Variants in VPS35L observed in about 807,000 individuals in gnomAD.
VPS35L encodes VPS35 endosomal protein sorting factor like.
Under a neutral mutation model 133.0 loss-of-function variants are expected in VPS35L, and 83 were observed. That is an observed-to-expected ratio of 0.62 (90% confidence interval 0.52 to 0.75). VPS35L has a LOEUF of 0.75. Among genes scored for constraint, VPS35L ranks in the 30% least tolerant of loss-of-function variants. The pLI is 0.00. For missense variants in VPS35L, 1,083 were observed against 1,206.8 expected (o/e 0.90, Z 1.52); for synonymous variants, 423 against 449.9 (o/e 0.94, Z 0.76).
intron 9 of VPS35L, 114 bp from the exon 10 acceptor site, chr16:19,608,064 A>C: frequency 1.4e-6 from 1 of 732,210 alleles, no homozygotes; most frequent in Non-Finnish European, 2.4e-6. Flanking sequence ...TTGGAAGGAA[A>C]GAAACAGGCT....
intron 14 of VPS35L, among the ~76,000 whole-genome samples, chr16:19,624,790 C>T (rs1368503242): frequency 1.3e-5 from 2 of 152,130 alleles, no homozygotes; most frequent in African/African-American, 4.8e-5. Flanking sequence ...TGTCTTAACC[C>T]TGTCTGAGCT....
intron 7 of VPS35L, 38 bp from the exon 8 acceptor site, chr16:19,591,752 T>A: frequency 6.7e-7 from 1 of 1,483,266 alleles, no homozygotes; most frequent in Non-Finnish European, 9.4e-7. Flanking sequence ...ATACCAGACA[T>A]GCCAGAGTGA....
At chr16:19,578,721 T>C in intron 5 of VPS35L, 1 of 345,224 alleles carries the variant, frequency 2.9e-6, no homozygotes, top group Admixed American at 4.3e-5. Context: ...AGAAAACAAT[T>C]AGATGACGGA....
At chr16:19,691,661 A>G (rs1324987063) in intron 29 of VPS35L, among the ~76,000 whole-genome samples, 190 bp downstream of exon 29, 2 of 152,062 alleles carry the variant, frequency 1.3e-5, no homozygotes, top group Non-Finnish European at 2.9e-5. Flanking sequence ...CGCCTCCCCC[A>G]GGGCTTCCCC....
chr16:19,684,747 G>A (rs1975398695), intron 28 of VPS35L, among the ~76,000 whole-genome samples: 1 of 152,196 alleles, frequency 6.6e-6, no homozygotes, highest in Non-Finnish European at 1.5e-5. Context: ...GCATTACACT[G>A]CTTTGTTGAT....
chr16:19,590,899 A>G (rs1447224896), intron 7 of VPS35L, among the ~76,000 whole-genome samples: 2 of 152,062 alleles, frequency 1.3e-5, no homozygotes, highest in Non-Finnish European at 2.9e-5. Context: ...TTGCTGCAGT[A>G]AGCTATGATT....
chr16:19,699,552 G>C lies in VPS35L; in HGVS notation c.2697G>C (p.Leu899Phe). The change falls in exon 30 of 31, where the codon TTG becomes TTC. Residue 899 changes from leucine (L) to phenylalanine (F), a missense_variant. Physicochemically the swap from Leu to Phe is conservative, Grantham distance 22. Transcript: ENST00000417362. The surrounding 1 kb of genome is among the most constrained non-coding windows in gnomAD (Gnocchi z 4.2). Reference sequence around the variant, plus strand: ...GCCTTTCCTTCTTTAACAGCATCTTGGCCCATGGGGACCTACGCAACAACA... The same window carrying C: ...GCCTTTCCTTCTTTAACAGCATCTTCGCCCATGGGGACCTACGCAACAACA... Reference protein sequence around the residue: ...SLGLSFFNSILAHGDLRNNKL... With the variant: ...SLGLSFFNSIFAHGDLRNNKL... 1 of 1,614,120 alleles carries C rather than the reference G, an allele frequency of 6.2e-7. No individual in the cohort carries two copies. The highest frequency in any genetic ancestry group is 8.5e-7 in the Non-Finnish European group (1 of 1,180,034).
intron 8 of VPS35L, among the ~76,000 whole-genome samples, chr16:19,592,248 T>C (rs1972068253): frequency 6.6e-6 from 1 of 151,222 alleles, no homozygotes; most frequent in Non-Finnish European, 1.5e-5. Context: ...CTAAGTTTTT[T>C]TTTTTTTTTT....
chr16:19,565,001 A>AAAGAC (rs763694394), intron 2 of VPS35L, 51 bp downstream of exon 2: 44 of 1,382,088 alleles, frequency 3.2e-5, no homozygotes, highest in Non-Finnish European at 4.4e-5. Context: ...CCTTGAAATG[A>AAAGAC]AAGACAATCT....
chr16:19,592,194 C>A (rs1308962737), intron 8 of VPS35L, among the ~76,000 whole-genome samples: 1 of 151,724 alleles, frequency 6.6e-6, no homozygotes, highest in Non-Finnish European at 1.5e-5. Flanking sequence ...CCTGCCTCAG[C>A]CTCCTGAGTA....
chr16:19,601,431 A>G (rs1034389121), intron 8 of VPS35L, among the ~76,000 whole-genome samples: 16 of 152,166 alleles, frequency 1.1e-4, no homozygotes, highest in Admixed American at 1.0e-3. Context: ...TAGATTCCAA[A>G]GGGTAAAACG....
chr16:19,699,606 G>A lies in VPS35L; in HGVS notation c.2751G>A (p.Trp917Ter). 1 of 1,614,078 alleles carries A rather than the reference G, an allele frequency of 6.2e-7. No homozygotes were observed. Among genetic ancestry groups the A allele is most frequent in the East Asian group, 2.2e-5 (1 of 44,878 alleles). Reference protein sequence around the residue: ...NKLNQLSVNLWHLAQRHGCAD... With the variant: ...NKLNQLSVNL ...TCAACCAGCTCTCCGTCAACCTGTG[G>A]CACCTGGCACAGAGGCACGGCTGTG... Residue 917 changes from tryptophan (W) to a stop codon, truncating the protein, a stop_gained, in exon 30 of 31, where the codon TGG becomes TGA. Coordinates refer to ENST00000417362, the MANE Select transcript of VPS35L (RefSeq NM_020314.7). LOFTEE classifies it high-confidence loss of function. This position sits in a 1 kb window ranked among gnomAD's most constrained non-coding sequence, Gnocchi z 4.2.
At chr16:19,597,216 A>G (rs543362822) in intron 8 of VPS35L, among the ~76,000 whole-genome samples, 3 of 151,978 alleles carry the variant, frequency 2.0e-5, no homozygotes, top group Admixed American at 2.0e-4. Context: ...AAAACATTTA[A>G]AAAAAATAGC....
chr16:19,565,278 ACTC>A (rs1228666089), intron 2 of VPS35L, among the ~76,000 whole-genome samples: 1 of 150,472 alleles, frequency 6.6e-6, no homozygotes, highest in African/African-American at 2.5e-5. Context: ...CTGGTCTTGA[ACTC>A]CTGAGCTCAG....
chr16:19,609,557 T>C (rs757305299), intron 11 of VPS35L, among the ~76,000 whole-genome samples: 3 of 152,186 alleles, frequency 2.0e-5, no homozygotes, highest in Non-Finnish European at 2.9e-5. Flanking sequence ...TTTATCACAA[T>C]GTTTTGAGAG....
intron 8 of VPS35L, among the ~76,000 whole-genome samples, chr16:19,592,573 G>T (rs1394312321): frequency 6.6e-6 from 1 of 151,982 alleles, no homozygotes. Flanking sequence ...CCAGTTGCCT[G>T]AGCTGGGAAT....
chr16:19,646,438 G>T (rs1431092989), intron 23 of VPS35L, among the ~76,000 whole-genome samples: 1 of 152,164 alleles, frequency 6.6e-6, no homozygotes, highest in Admixed American at 6.5e-5. Context: ...GGAGGCTGAG[G>T]CAGGTGGATC....
chr16:19,622,555 C>G (rs1165951491), intron 14 of VPS35L, among the ~76,000 whole-genome samples: 1 of 152,018 alleles, frequency 6.6e-6, no homozygotes, highest in East Asian at 1.9e-4. Context: ...TATTTTCGTT[C>G]AGCATATGGT....
At chr16:19,694,895 A>T (rs1975848950) in intron 29 of VPS35L, among the ~76,000 whole-genome samples, 1 of 151,762 alleles carries the variant, frequency 6.6e-6, no homozygotes, top group Admixed American at 6.6e-5. Flanking sequence ...AATCCCAGCT[A>T]CTTGGGAGGC....
Sources: allele counts gnomAD v4.1 joint callset (sites outside exome capture counted in the v4.1 genomes callset), GRCh38; gene constraint gnomAD v4.1.1; non-coding constraint Gnocchi (gnomAD v3.1); transcripts MANE v1.5; gene names NCBI Gene and HGNC (gene_info 2026-07-23, HGNC 2026-07-21).